The following EPHA6 variants were observed in gnomAD, a reference collection of about 807,000 sequenced individuals.
EPHA6 encodes the protein EPH receptor A6, also known as ephrin type-A receptor 6.
EPHA6 carries 50 observed loss-of-function variants against 112.0 expected under a neutral mutation model. The observed-to-expected ratio is 0.45, with a 90% CI of 0.36 to 0.56. EPHA6 has a LOEUF of 0.56. Ranked by LOEUF, EPHA6 falls within the 20% of genes least tolerant of loss-of-function variation. The pLI is 0.00. For synonymous variants in EPHA6, 529 were observed against 490.7 expected (o/e 1.08, Z -1.03); for missense variants, 1,280 against 1,417.4 (o/e 0.90, Z 1.56).
intron 11 of EPHA6, 116 bp from the exon 12 acceptor site, chr3:97,592,496 A>T: frequency 1.6e-6 from 2 of 1,248,336 alleles, no homozygotes; most frequent in Non-Finnish European, 2.2e-6. Context: ...CTTTAATTTT[A>T]TAACTTCTTC....
chr3:97,507,492 C>G (rs371423662), intron 10 of EPHA6, among the ~76,000 whole-genome samples: 3 of 152,130 alleles, frequency 2.0e-5, no homozygotes, highest in African/African-American at 7.2e-5. Flanking sequence ...ATTAAACCAG[C>G]CTTGCATCCC....
chr3:97,320,520 A>G (rs941941292), intron 5 of EPHA6, among the ~76,000 whole-genome samples: 2 of 151,952 alleles, frequency 1.3e-5, no homozygotes, highest in Non-Finnish European at 2.9e-5. Flanking sequence ...GGAATATGAT[A>G]GCTGCAGAGA....
intron 6 of EPHA6, chr3:97,441,376 A>G (rs2090130941): frequency 1.4e-6 from 1 of 706,648 alleles, no homozygotes; most frequent in Non-Finnish European, 1.7e-6. Context: ...TTGTTTTATA[A>G]CATCCATAAT....
intron 1 of EPHA6, among the ~76,000 whole-genome samples, chr3:96,838,948 C>T (rs1299132570): frequency 1.3e-5 from 2 of 151,998 alleles, no homozygotes; most frequent in Non-Finnish European, 2.9e-5. Flanking sequence ...ATATTTAATA[C>T]TATGTGACTT....
chr3:97,045,339 A>G (rs930106476), intron 3 of EPHA6, among the ~76,000 whole-genome samples: 1 of 152,062 alleles, frequency 6.6e-6, no homozygotes, highest in South Asian at 2.1e-4. Flanking sequence ...GCTAATTGCA[A>G]TATGATTAAG....
chr3:97,343,284 ATTGTGT>A (rs1559904383), intron 5 of EPHA6, among the ~76,000 whole-genome samples: 1 of 152,180 alleles, frequency 6.6e-6, no homozygotes, highest in Non-Finnish European at 1.5e-5. Flanking sequence ...ACTTGGCTAA[ATTGTGT>A]TTGTGTTCTA....
chr3:97,076,641 T>C (rs1243168477), intron 3 of EPHA6, among the ~76,000 whole-genome samples: 2 of 152,168 alleles, frequency 1.3e-5, no homozygotes, highest in African/African-American at 4.8e-5. Flanking sequence ...CAGCATTGTA[T>C]TGGAAGAGGA....
At chr3:97,715,945 G>A (rs931635071) in intron 14 of EPHA6, among the ~76,000 whole-genome samples, 1 of 152,082 alleles carries the variant, frequency 6.6e-6, no homozygotes, top group Admixed American at 6.5e-5. Flanking sequence ...TGTTCCCTAA[G>A]TTATTAAGTT....
At chr3:97,123,483 G>T (rs771811982) in intron 3 of EPHA6, among the ~76,000 whole-genome samples, 1 of 152,024 alleles carries the variant, frequency 6.6e-6, no homozygotes, top group Non-Finnish European at 1.5e-5. Flanking sequence ...AGCTACTCCC[G>T]TAGAAATTTG....
intron 5 of EPHA6, among the ~76,000 whole-genome samples, chr3:97,334,090 A>G (rs1243751912): frequency 6.6e-6 from 1 of 152,058 alleles, no homozygotes; most frequent in Non-Finnish European, 1.5e-5. Flanking sequence ...TTGTTGATAT[A>G]GTCGGTTATA....
chr3:96,863,801 A>G (rs2036145502), intron 1 of EPHA6, among the ~76,000 whole-genome samples: 1 of 152,052 alleles, frequency 6.6e-6, no homozygotes, highest in Non-Finnish European at 1.5e-5. Flanking sequence ...ACTTATAAAA[A>G]GGAAATAGCT....
chr3:97,050,789 A>G (rs1361626958), intron 3 of EPHA6, among the ~76,000 whole-genome samples: 3 of 152,158 alleles, frequency 2.0e-5, no homozygotes, highest in Non-Finnish European at 4.4e-5. Flanking sequence ...GAAACTAAAT[A>G]ATTGCTGTTC....
rs1559654360 is a variant in EPHA6 at position 97,757,001 on chromosome 3, A to T, written c.*8300A>T. The stretch of plus-strand genomic sequence containing the variant: ...TTTGAATTTTGAAGGAATAATTTTT[A>T]ACAGTCTTTGTTTCTTAAAATGTTA... On this transcript the variant is annotated 3_prime_UTR_variant, in exon 18 of 18. Coordinates refer to ENST00000389672, the MANE Select transcript of EPHA6 (RefSeq NM_001080448.3). 6.6e-6 allele frequency among the ~76,000 whole-genome samples: 1 copy of T among 151,908 alleles called. No homozygotes were observed. Among genetic ancestry groups the T allele is most frequent in the Non-Finnish European group, 1.5e-5 (1 of 67,788 alleles).
At chr3:97,717,658 G>T (rs540706060) in intron 14 of EPHA6, among the ~76,000 whole-genome samples, 36 of 152,254 alleles carry the variant, frequency 2.4e-4, no homozygotes, top group African/African-American at 5.3e-4. Context: ...CTTCTTTAAA[G>T]ACCCTATCTC....
intron 3 of EPHA6, among the ~76,000 whole-genome samples, chr3:97,221,627 C>A (rs2078203757): frequency 6.6e-6 from 1 of 152,146 alleles, no homozygotes; most frequent in Non-Finnish European, 1.5e-5. Context: ...CCAATTCTAA[C>A]AAAACCTAAG....
At chr3:97,131,001 C>T (rs981316528) in intron 3 of EPHA6, among the ~76,000 whole-genome samples, 2 of 152,036 alleles carry the variant, frequency 1.3e-5, no homozygotes, top group African/African-American at 4.8e-5. Context: ...GCAGTTAATT[C>T]TTTCATTATT....
At chr3:96,998,999 A>G (rs1207838170) in intron 3 of EPHA6, among the ~76,000 whole-genome samples, 1 of 151,582 alleles carries the variant, frequency 6.6e-6, no homozygotes, top group Non-Finnish European at 1.5e-5. Flanking sequence ...TTTTTGTTTC[A>G]TTTCTGCCTA....
chr3:97,408,466 C>T (rs1051513881), intron 6 of EPHA6, among the ~76,000 whole-genome samples: 1 of 152,074 alleles, frequency 6.6e-6, no homozygotes, highest in Admixed American at 6.6e-5. Flanking sequence ...AAGCAAGGCA[C>T]ACTTCCTTCT....
At chr3:96,999,546 AAC>A (rs1408284835) in intron 3 of EPHA6, among the ~76,000 whole-genome samples, 1 of 151,928 alleles carries the variant, frequency 6.6e-6, no homozygotes, top group Non-Finnish European at 1.5e-5. Context: ...GGCTACACAT[AAC>A]ACAAATAGAG....
Sources: allele counts gnomAD v4.1 joint callset (sites outside exome capture counted in the v4.1 genomes callset), GRCh38; gene constraint gnomAD v4.1.1; transcripts MANE v1.5; gene names NCBI Gene and HGNC (gene_info 2026-07-23, HGNC 2026-07-21).